Variants in CRACD observed in about 807,000 individuals in gnomAD.
The protein encoded by CRACD is capping protein-inhibiting regulator of actin dynamics.
In CRACD, 56 loss-of-function variants were observed where a neutral mutation model predicts 106.8. The ratio of observed to expected loss-of-function variants is 0.52; its 90% CI spans 0.42 to 0.66. The LOEUF is 0.66. CRACD is among the 30% of genes least tolerant of loss of function. CRACD has a pLI of 0.00. For synonymous variants in CRACD, 754 were observed against 670.8 expected (o/e 1.12, Z -1.92); for missense variants, 1,730 against 1,623.2 (o/e 1.07, Z -1.13).
At chr4:56,135,387 T>C (rs77033180) in intron 1 of CRACD, among the ~76,000 whole-genome samples, 30 of 152,212 alleles carry the variant, frequency 2.0e-4, no homozygotes, top group African/African-American at 7.2e-4. Flanking sequence ...TGAAGATAGG[T>C]TGACTTTGGG....
intron 2 of CRACD, among the ~76,000 whole-genome samples, chr4:56,261,825 A>G (rs1741726316): frequency 6.6e-6 from 1 of 152,196 alleles, no homozygotes; most frequent in Non-Finnish European, 1.5e-5. Context: ...TTTTATTGAT[A>G]AGTCCTTGCC....
chr4:56,266,972 T>C (rs1234152395), intron 2 of CRACD, among the ~76,000 whole-genome samples: 1 of 152,238 alleles, frequency 6.6e-6, no homozygotes, highest in Non-Finnish European at 1.5e-5. Flanking sequence ...AAATTTTATT[T>C]CCTACTAATG....
At chr4:56,216,535 T>G (rs1041776526) in intron 2 of CRACD, among the ~76,000 whole-genome samples, 1 of 152,170 alleles carries the variant, frequency 6.6e-6, no homozygotes, top group South Asian at 2.1e-4. Context: ...TTCCGATCTA[T>G]TCAAGACCAA....
intron 1 of CRACD, among the ~76,000 whole-genome samples, chr4:56,168,695 A>G (rs1736244632): frequency 6.7e-6 from 1 of 148,954 alleles, no homozygotes. Flanking sequence ...CTATGTAACT[A>G]CATATATAAT....
chr4:56,138,458 C>T (rs919123942), intron 1 of CRACD, among the ~76,000 whole-genome samples: 1 of 152,064 alleles, frequency 6.6e-6, no homozygotes, highest in Non-Finnish European at 1.5e-5. Context: ...GAGCAACACT[C>T]TGTCTCAAAA....
At chr4:56,203,497 G>A (rs1382629) in intron 2 of CRACD, among the ~76,000 whole-genome samples, 24,453 of 152,054 alleles carry the variant, frequency 0.16, 3,151 homozygotes, top group East Asian at 0.52. Context: ...TAGATTACAG[G>A]CAGGTCTGGG....
At chr4:56,193,793 A>G (rs895276692) in intron 2 of CRACD, among the ~76,000 whole-genome samples, 6 of 152,162 alleles carry the variant, frequency 3.9e-5, no homozygotes, top group Admixed American at 2.6e-4. Flanking sequence ...TATTTAGAAG[A>G]TCAGGAAAAA....
At chr4:56,062,316 T>C (rs1268031493) in intron 1 of CRACD, among the ~76,000 whole-genome samples, 6 of 152,194 alleles carry the variant, frequency 3.9e-5, no homozygotes, top group Non-Finnish European at 8.8e-5. Context: ...CATTATGATT[T>C]TTTTAAGAAG....
Position 56,314,912 on chromosome 4 carries a change from T to C in CRACD, c.1410T>C (p.Asp470=). The C allele has an allele frequency of 6.2e-7, 1 of 1,607,226 alleles. No individual in the cohort carries two copies. Among genetic ancestry groups the C allele is most frequent in the Non-Finnish European group, 8.5e-7 (1 of 1,177,880 alleles). The change falls in exon 8 of 11, where the codon GAT becomes GAC. Residue 470 remains aspartate (D), a synonymous_variant. Coordinates refer to ENST00000682029, the MANE Select transcript of CRACD (RefSeq NM_001393381.1). The surrounding 1 kb of genome is among the most constrained non-coding windows in gnomAD (Gnocchi z 4.4). ...RRREQQGRSG[D]FQGADRPGPE... ...GAGAGCAGCAGGGAAGGAGCGGGGA[T>C]TTCCAGGGGGCCGATCGTCCTGGGC...
chr4:56,232,889 T>C (rs1739723712), intron 2 of CRACD, among the ~76,000 whole-genome samples: 2 of 151,812 alleles, frequency 1.3e-5, no homozygotes, highest in South Asian at 4.2e-4. Context: ...CAGGCCCAGC[T>C]AATTTTTTTT....
At position 56,323,417 on chromosome 4, in the gene CRACD, C is replaced by T; in HGVS notation, c.3228C>T (p.Ser1076=). The stretch of plus-strand genomic sequence containing the variant: ...AGAGCAGACACTCCTTAGATGGCTC[C>T]AAACTTACAGAGAAAGTGGAAACTG... ...MLQSRHSLDG[S]KLTEKVETAQ... The change falls in exon 9 of 11, where the codon TCC becomes TCT. Residue 1076 remains serine, a synonymous_variant. Coordinates refer to ENST00000682029, the MANE Select transcript of CRACD (RefSeq NM_001393381.1). 1 of 1,611,080 alleles carries T rather than the reference C, an allele frequency of 6.2e-7. No homozygotes were observed. The highest frequency in any genetic ancestry group is 8.5e-7 in the Non-Finnish European group (1 of 1,179,330).
chr4:56,200,491 A>T (rs936182446), intron 2 of CRACD, among the ~76,000 whole-genome samples: 3 of 152,198 alleles, frequency 2.0e-5, no homozygotes, highest in Admixed American at 2.0e-4. Context: ...GTCACCCTTC[A>T]GAAGTTTTTT....
chr4:56,242,707 C>T (rs1159251366), intron 2 of CRACD, among the ~76,000 whole-genome samples: 1 of 152,134 alleles, frequency 6.6e-6, no homozygotes, highest in Non-Finnish European at 1.5e-5. Flanking sequence ...ACTTGAACCC[C>T]ATTTTCCTAC....
chr4:56,112,783 G>A (rs1398467563), intron 1 of CRACD, among the ~76,000 whole-genome samples: 1 of 151,880 alleles, frequency 6.6e-6, no homozygotes, highest in East Asian at 1.9e-4. Context: ...AGTTTTCAAG[G>A]CTAGCTAGGT....
chr4:56,197,894 G>T (rs914940358), intron 2 of CRACD, among the ~76,000 whole-genome samples: 4 of 152,110 alleles, frequency 2.6e-5, no homozygotes, highest in South Asian at 4.1e-4. Context: ...AGCCAGGATG[G>T]TCTCGATCTC....
chr4:56,093,293 C>T (rs569384375), intron 1 of CRACD, among the ~76,000 whole-genome samples: 8 of 152,214 alleles, frequency 5.3e-5, no homozygotes, highest in South Asian at 2.1e-4. Flanking sequence ...CTTCCTGATG[C>T]GATGTTAAGT....
chr4:56,159,689 C>A (rs1735882234), intron 1 of CRACD, among the ~76,000 whole-genome samples: 1 of 152,054 alleles, frequency 6.6e-6, no homozygotes. Context: ...TCTCTTCTGA[C>A]CCCCCTATAA....
rs76177209 is a variant in CRACD at position 56,143,099 on chromosome 4, G to A, written c.-335-36185G>A. 3.3e-5 allele frequency among the ~76,000 whole-genome samples: 5 copies of A among 151,758 alleles called. No homozygotes were observed. The East Asian group carries it at 9.7e-4, about 29-fold the overall frequency. ...ACATAAAAATTGTTTGGCTTGATTG[G>A]ACTTGAGTTAAATCAGAGATTCATT... On this transcript the variant is annotated intron_variant, in intron 1 of 10. Coordinates refer to ENST00000682029, the MANE Select transcript of CRACD (RefSeq NM_001393381.1).
In CRACD at chr4:56,152,719, G is replaced by A. The variant is rs115683505; in HGVS notation, c.-335-26565G>A. On this transcript the variant is annotated intron_variant, in intron 1 of 10. Transcript: ENST00000682029. ...TGTCTCAAAAAAGATAAAATAAAGT[G>A]AAGTATTTTTGGCCAGTGAGAGGCA... 5.8e-3 allele frequency among the ~76,000 whole-genome samples: 877 copies of A among 151,538 alleles called. 12 individuals carry two copies. The highest frequency in any genetic ancestry group is 0.02 in the African/African-American group (841 of 41,364).
Sources: gnomAD v4.1 joint callset for allele counts (sites outside exome capture counted in the v4.1 genomes callset) on GRCh38, gnomAD v4.1.1 for gene constraint, Gnocchi (gnomAD v3.1) non-coding constraint, MANE v1.5 for transcripts, NCBI Gene and HGNC (gene_info 2026-07-23, HGNC 2026-07-21) for gene names.